Variants in CYP4A22 observed in about 807,000 individuals in gnomAD.
The protein encoded by CYP4A22 is cytochrome P450 family 4 subfamily A member 22.
In CYP4A22, 46 loss-of-function variants were observed where a neutral mutation model predicts 56.2. That is an observed-to-expected ratio of 0.82 (90% CI 0.65 to 1.05). CYP4A22 has a LOEUF of 1.05. Among genes scored for constraint, CYP4A22 ranks in the 50% least tolerant of loss-of-function variants. The pLI is 0.00. For synonymous variants in CYP4A22, 193 were observed against 251.1 expected, an observed-to-expected ratio of 0.77 and a Z score of 2.19; for missense variants, 541 against 645.9, an observed-to-expected ratio of 0.84 and a Z score of 1.76.
At chr1:47,147,061 C>T (rs1041113174) in intron 11 of CYP4A22, 10 of 985,316 alleles carry the variant, frequency 1.0e-5, no homozygotes, top group African/African-American at 5.2e-5. Context: ...CATCAGGAAT[C>T]GTCCTGTGAC....
At chr1:47,137,774 T>A in intron 1 of CYP4A22, 94 bp downstream of exon 1, 1 of 1,480,718 alleles carries the variant, frequency 6.8e-7, no homozygotes, top group Admixed American at 2.4e-5. Context: ...CCTTGTTTTG[T>A]AACAAACGTG....
chr1:47,137,888 T>C (rs909894290), intron 1 of CYP4A22, among the ~76,000 whole-genome samples: 1 of 152,202 alleles, frequency 6.6e-6, no homozygotes, highest in African/African-American at 2.4e-5. Context: ...CTCAGCTCTA[T>C]CACACATGCC....
chr1:47,144,936 C>T lies in CYP4A22; in HGVS notation c.1188C>T (p.Pro396=), dbSNP rs777748633. 4.0e-5 allele frequency: 65 copies of T among 1,614,086 alleles called. No individual in the cohort carries two copies. Among genetic ancestry groups the T allele is most frequent in the Admixed American group, 8.3e-5 (5 of 60,006 alleles). ...GCATTGGAAGAGAGCTCAGCACTCC[C>T]GTCACCTTCCCTGATGGGCGCTCCT... ...VPGIGRELST[P]VTFPDGRSLP... is the part of the protein sequence containing the mutation. Residue 396 remains proline (P), a synonymous_variant, in exon 9 of 12, where the codon CCC becomes CCT. Coordinates refer to ENST00000371891, the MANE Select transcript of CYP4A22 (RefSeq NM_001010969.4).
intron 11 of CYP4A22, chr1:47,146,778 T>C (rs1420843042): frequency 5.1e-6 from 5 of 988,130 alleles, no homozygotes; most frequent in Non-Finnish European, 6.0e-6. Flanking sequence ...CTTCATTATA[T>C]AGTGTTCACA....
At chr1:47,146,042 C>A in intron 10 of CYP4A22, 35 bp from the exon 11 acceptor site, 1 of 1,614,202 alleles carries the variant, frequency 6.2e-7, no homozygotes. Context: ...GGTGCTGGAT[C>A]CTTAACTATC....
chr1:47,148,783 A>G lies in CYP4A22; in HGVS notation c.1546A>G (p.Lys516Glu). 6.2e-7 allele frequency: 1 copy of G among 1,608,754 alleles called. No homozygotes were observed. Among genetic ancestry groups the G allele is most frequent in the Non-Finnish European group, 8.5e-7 (1 of 1,177,128 alleles). ...GAGGCTCCCTAACCCTTGTGAAGAC[A>G]AGGACCAGCTTTGAGGGCCTCCACC... Reference protein sequence around the residue: ...LRRLPNPCEDKDQL With the variant: ...LRRLPNPCEDEDQL The change falls in exon 12 of 12, where the codon AAG becomes GAG. Residue 516 changes from lysine (K) to glutamate (E), a missense_variant. Physicochemically the swap from Lys to Glu is moderately conservative, Grantham distance 56. This residue lies in a region of CYP4A22 where 204 missense variants were observed against 258.9 expected (regional missense o/e 0.79). Coordinates refer to ENST00000371891, the MANE Select transcript of CYP4A22 (RefSeq NM_001010969.4).
intron 1 of CYP4A22, among the ~76,000 whole-genome samples, chr1:47,139,474 C>T (rs1214049098): frequency 6.6e-6 from 1 of 152,192 alleles, no homozygotes; most frequent in Non-Finnish European, 1.5e-5. Flanking sequence ...TCCCCAGATG[C>T]TTGTCCTTCA....
chr1:47,137,538 T>C lies in CYP4A22; in HGVS notation c.53T>C (p.Ile18Thr), dbSNP rs759296620. 3.1e-6 allele frequency: 5 copies of C among 1,613,992 alleles called. No homozygotes were observed. Among genetic ancestry groups the C allele is most frequent in the Non-Finnish European group, 4.2e-6 (5 of 1,180,008 alleles). ...AGACGCCTGGGTGGTGTCTCCGGGA[T>C]CCTCCAAGTGACCTCCCTGCTCATT... ...PSRRLGGVSGILQVTSLLILL... is the reference protein window; with the variant it reads ...PSRRLGGVSGTLQVTSLLILL... Residue 18 changes from isoleucine (I) to threonine (T), a missense_variant, in exon 1 of 12, where the codon ATC (isoleucine) becomes ACC (threonine). Around this residue, in one of 3 missense-constraint regions of CYP4A22, gnomAD observed 335 missense variants for 361.2 expected, o/e 0.93. Coordinates refer to ENST00000371891, the MANE Select transcript of CYP4A22 (RefSeq NM_001010969.4).
chr1:47,138,953 G>T (rs1165635055), intron 1 of CYP4A22, among the ~76,000 whole-genome samples: 1 of 152,232 alleles, frequency 6.6e-6, no homozygotes, highest in Non-Finnish European at 1.5e-5. Flanking sequence ...GAGGCCTATT[G>T]TTTCTCAGCA....
chr1:47,144,061 G>A, intron 6 of CYP4A22, 145 bp downstream of exon 6: 3 of 1,419,690 alleles, frequency 2.1e-6, no homozygotes, highest in East Asian at 2.4e-5. Flanking sequence ...CAGGGGCTGG[G>A]AGCCAAGATG....
At chr1:47,143,217 T>C in intron 4 of CYP4A22, 52 bp from the exon 5 acceptor site, 3 of 1,562,886 alleles carry the variant, frequency 1.9e-6, no homozygotes. Context: ...CAGGCCTTAT[T>C]AGCAAAGCAC....
intron 4 of CYP4A22, among the ~76,000 whole-genome samples, chr1:47,142,453 G>T (rs909053343): frequency 3.3e-5 from 5 of 152,210 alleles, no homozygotes; most frequent in African/African-American, 1.2e-4. Flanking sequence ...CCCACCATAG[G>T]AATAGAGATT....
At chr1:47,146,449 A>G in intron 11 of CYP4A22, 1 of 1,235,608 alleles carries the variant, frequency 8.1e-7, no homozygotes, top group East Asian at 3.7e-5. Context: ...CACTTTAAGG[A>G]TATGAATTCT....
chr1:47,141,187 C>T (rs1462957788), intron 2 of CYP4A22, among the ~76,000 whole-genome samples: 1 of 151,946 alleles, frequency 6.6e-6, no homozygotes, highest in Non-Finnish European at 1.5e-5. Flanking sequence ...CGTAAATTGC[C>T]CCAGATCTGT....
Position 47,144,697 on chromosome 1 carries a change from G to A in CYP4A22, c.1045G>A (p.Glu349Lys). The change falls in exon 8 of 12, where the codon GAG becomes AAG. Residue 349 changes from glutamate (E) to lysine (K), a missense_variant. This residue lies in a region of CYP4A22 where 204 missense variants were observed against 258.9 expected (regional missense o/e 0.79). Transcript: ENST00000371891. ...CCCCAAGCATCAGGAGAGGTGCCGG[G>A]AGGAGATCCATGGCCTCCTGGGTGA... ...THPKHQERCR[E>K]EIHGLLGDGA... The A allele has an allele frequency of 1.2e-6, 2 of 1,613,966 alleles. No homozygotes were observed. The highest frequency in any genetic ancestry group is 2.2e-5 in the East Asian group (1 of 44,874).
At chr1:47,142,036 A>C in intron 3 of CYP4A22, 72 bp from the exon 4 acceptor site, 1 of 1,530,722 alleles carries the variant, frequency 6.5e-7, no homozygotes, top group Non-Finnish European at 8.8e-7. Context: ...TCCCTCCCAA[A>C]TTGTCACCAG....
chr1:47,146,010 G>T, intron 10 of CYP4A22, 67 bp from the exon 11 acceptor site: 1 of 1,614,084 alleles, frequency 6.2e-7, no homozygotes, highest in Admixed American at 1.7e-5. Context: ...TGGGAGTACT[G>T]TACCCTCATG....
intron 11 of CYP4A22, among the ~76,000 whole-genome samples, chr1:47,147,616 A>G (rs1014599758): frequency 6.6e-5 from 10 of 152,162 alleles, no homozygotes; most frequent in Non-Finnish European, 1.3e-4. Context: ...TGGACAAATC[A>G]CGAATGCTAC....
At position 47,141,965 on chromosome 1, in the gene CYP4A22, C is replaced by A. The variant is rs148269646; in HGVS notation, c.383-143C>A. 2,453 of 1,236,078 alleles carry A rather than the reference C, an allele frequency of 2.0e-3. 48 individuals are homozygous for A. In the African/African-American group the frequency reaches 0.034, roughly 17 times the overall value. The allele number at this position is 1,236,078 out of a possible 1,614,324, so 76.6% of individuals were successfully genotyped here. A position where few individuals can be genotyped will look rare whatever the true frequency, so the allele number is the denominator to read the frequency against. On this transcript the variant is annotated intron_variant, in intron 3 of 11. Coordinates refer to ENST00000371891, the MANE Select transcript of CYP4A22 (RefSeq NM_001010969.4). ...ACATGCCTGAAATATACCTCCTTTT[C>A]CTGCATTTGCCCATGATGTGGCTTC... is the stretch of plus-strand genomic sequence containing the variant.
Sources: allele counts gnomAD v4.1 joint callset (sites outside exome capture counted in the v4.1 genomes callset), GRCh38; gene constraint gnomAD v4.1.1; regional missense constraint gnomAD v4.1.1; transcripts MANE v1.5; gene names NCBI Gene and HGNC (gene_info 2026-07-23, HGNC 2026-07-21).